Variants in SPARCL1 observed in about 807,000 individuals in gnomAD.
The protein encoded by SPARCL1 is SPARC-like protein 1.
A neutral mutation model predicts 67.1 loss-of-function variants in SPARCL1; 52 were observed. That is an observed-to-expected ratio of 0.78 (90% CI 0.62 to 0.98). SPARCL1 has a LOEUF of 0.98. Ranked by LOEUF, SPARCL1 falls within the 50% of genes least tolerant of loss-of-function variation. The pLI is 0.00. For synonymous variants in SPARCL1, 226 were observed against 267.8 expected (o/e 0.84, Z 1.52); for missense variants, 717 against 782.4 (o/e 0.92, Z 1.00).
rs140886120 is a variant in SPARCL1, at chr4:87,523,847, T to C, written c.-12+5198A>G. 1.7e-3 allele frequency among the ~76,000 whole-genome samples: 264 copies of C among 152,348 alleles called. 1 individual carries two copies. The highest frequency in any genetic ancestry group is 5.9e-3 in the African/African-American group (247 of 41,580). On this transcript the variant is annotated intron_variant, in intron 1 of 10. Coordinates refer to ENST00000282470, the MANE Select transcript of SPARCL1 (RefSeq NM_004684.6). ...TTTGGCCAAACACTTTGGTTGAGGATGTTCTCACTAGAAAGATGAAGATGG... is the reference window on the plus strand; with the variant it reads ...TTTGGCCAAACACTTTGGTTGAGGACGTTCTCACTAGAAAGATGAAGATGG...
chr4:87,513,687 T>C (rs894095600), intron 1 of SPARCL1, among the ~76,000 whole-genome samples: 1 of 152,170 alleles, frequency 6.6e-6, no homozygotes, highest in African/African-American at 2.4e-5. Flanking sequence ...ATGTCTTGTA[T>C]TAAGTGTGAT....
chr4:87,525,510 T>C (rs1259390015), intron 1 of SPARCL1, among the ~76,000 whole-genome samples: 4 of 152,104 alleles, frequency 2.6e-5, no homozygotes, highest in Admixed American at 1.3e-4. Context: ...ACTTGAAAAA[T>C]GGATTTATTG....
intron 1 of SPARCL1, among the ~76,000 whole-genome samples, chr4:87,516,227 C>T (rs1725577355): frequency 6.6e-6 from 1 of 152,174 alleles, no homozygotes; most frequent in Non-Finnish European, 1.5e-5. Flanking sequence ...CTGTGCCACT[C>T]CAGATCAGCT....
At chr4:87,499,159 A>G (rs897115599) in intron 2 of SPARCL1, among the ~76,000 whole-genome samples, 1 of 152,184 alleles carries the variant, frequency 6.6e-6, no homozygotes, top group Admixed American at 6.5e-5. Context: ...TACAGGCGTG[A>G]GCCACCGCAC....
At chr4:87,482,694 C>T in intron 7 of SPARCL1, 134 bp from the exon 8 acceptor site, 1 of 874,634 alleles carries the variant, frequency 1.1e-6, no homozygotes, top group Non-Finnish European at 1.8e-6. Context: ...GACAGTGGTC[C>T]TCAGCCCTGG....
At position 87,482,459 on chromosome 4, in the gene SPARCL1, G is replaced by C. The variant is rs777514255; in HGVS notation, c.1633C>G (p.His545Asp). ...LMQLYEANSE[H>D]AGYLNEKQRN... Reference sequence around the variant, plus strand: ...TGCTTCTCATTTAGATAACCAGCGTGTTCAGAGTTGGCTTCATAAAGCTGC... The same window carrying C: ...TGCTTCTCATTTAGATAACCAGCGTCTTCAGAGTTGGCTTCATAAAGCTGC... Residue 545 changes from histidine to aspartate, a missense_variant, in exon 8 of 11, where the codon CAC becomes GAC. Transcript: ENST00000282470. 2 of 1,613,836 alleles carry C rather than the reference G, an allele frequency of 1.2e-6. No individual in the cohort carries two copies. Among genetic ancestry groups the C allele is most frequent in the East Asian group, 4.5e-5 (2 of 44,902 alleles).
chr4:87,510,987 G>T (rs908932288), intron 1 of SPARCL1, among the ~76,000 whole-genome samples: 1 of 152,250 alleles, frequency 6.6e-6, no homozygotes, highest in Non-Finnish European at 1.5e-5. Flanking sequence ...GCTCGCTCAG[G>T]TTCCTGCAGT....
chr4:87,527,592 T>G (rs1382772938), intron 1 of SPARCL1, among the ~76,000 whole-genome samples: 1 of 152,178 alleles, frequency 6.6e-6, no homozygotes, highest in Admixed American at 6.5e-5. Context: ...TTAGTTGATA[T>G]GTGAATCTGT....
intron 1 of SPARCL1, among the ~76,000 whole-genome samples, chr4:87,522,963 T>C (rs1189676312): frequency 6.6e-6 from 1 of 152,070 alleles, no homozygotes; most frequent in Non-Finnish European, 1.5e-5. Context: ...AAAAAACAAT[T>C]AGAAATCATC....
chr4:87,500,301 T>G (rs1308030328), intron 1 of SPARCL1, among the ~76,000 whole-genome samples: 1 of 152,210 alleles, frequency 6.6e-6, no homozygotes, highest in Non-Finnish European at 1.5e-5. Flanking sequence ...TTTTGGTATT[T>G]GCCTTTCATT....
intron 2 of SPARCL1, 66 bp from the exon 3 acceptor site, chr4:87,495,193 A>G (rs1312327166): frequency 7.4e-7 from 1 of 1,348,490 alleles, no homozygotes; most frequent in African/African-American, 1.5e-5. Context: ...TTTGCTAGTT[A>G]CTCTTGTTGT....
Position 87,493,563 on chromosome 4 carries a change from C to T in SPARCL1, c.1218+19G>A, listed in dbSNP as rs572845300. 2.8e-5 allele frequency: 45 copies of T among 1,581,222 alleles called. No individual in the cohort carries two copies. Among genetic ancestry groups the T allele is most frequent in the Non-Finnish European group, 3.7e-5 (43 of 1,163,406 alleles). ...TAATGCTGGCTTTATTGGACAAGGA[C>T]CATTTAAAATAATTTTACCTCTTGG... is the stretch of plus-strand genomic sequence containing the variant. On this transcript the variant is annotated intron_variant, in intron 4 of 10. Transcript: ENST00000282470.
At chr4:87,486,561 TAG>T (rs1346552249) in intron 7 of SPARCL1, among the ~76,000 whole-genome samples, 1 of 152,202 alleles carries the variant, frequency 6.6e-6, no homozygotes, top group African/African-American at 2.4e-5. Context: ...GAGAGTTCTG[TAG>T]ATGTCTATTA....
At chr4:87,526,311 G>A (rs1726039978) in intron 1 of SPARCL1, among the ~76,000 whole-genome samples, 2 of 152,154 alleles carry the variant, frequency 1.3e-5, no homozygotes, top group African/African-American at 4.8e-5. Context: ...GGATAAAAAA[G>A]GCAATTCAAA....
At chr4:87,518,121 C>T (rs936348555) in intron 1 of SPARCL1, among the ~76,000 whole-genome samples, 2 of 152,100 alleles carry the variant, frequency 1.3e-5, no homozygotes, top group Admixed American at 6.5e-5. Context: ...ATGTAATAAA[C>T]CCTAATGGAT....
rs1723437827 is a variant in SPARCL1 at position 87,473,627 on chromosome 4, G to A, written c.*148C>T. ...TTAATGTTAAATACCTGGTGCATAG[G>A]TTGTTGTCAAGCAATTACTCTCATT... is the stretch of plus-strand genomic sequence containing the variant. On this transcript the variant is annotated 3_prime_UTR_variant, in exon 11 of 11. Coordinates refer to ENST00000282470, the MANE Select transcript of SPARCL1 (RefSeq NM_004684.6). 1.8e-6 allele frequency: 1 copy of A among 557,454 alleles called. No homozygotes were observed. 34.5% of individuals were successfully genotyped at this position (557,454 alleles called of 1,614,324 possible).
At chr4:87,490,452 C>G in intron 6 of SPARCL1, 59 bp from the exon 7 acceptor site, 2 of 1,557,634 alleles carry the variant, frequency 1.3e-6, no homozygotes, top group Non-Finnish European at 1.7e-6. Flanking sequence ...GGAAGACACT[C>G]TGCTCCTTAA....
At chr4:87,526,578 C>T (rs1726054167) in intron 1 of SPARCL1, among the ~76,000 whole-genome samples, 1 of 152,174 alleles carries the variant, frequency 6.6e-6, no homozygotes, top group Non-Finnish European at 1.5e-5. Context: ...GAAGTAACTG[C>T]CAAAGCTTAC....
At chr4:87,492,715 G>A (rs541538317) in intron 4 of SPARCL1, among the ~76,000 whole-genome samples, 32 of 152,246 alleles carry the variant, frequency 2.1e-4, no homozygotes, top group African/African-American at 7.2e-4. Flanking sequence ...CGTTAGAGTG[G>A]CAGCAGAGTT....
Sources: allele counts gnomAD v4.1 joint callset (sites outside exome capture counted in the v4.1 genomes callset), GRCh38; gene constraint gnomAD v4.1.1; transcripts MANE v1.5; gene names NCBI Gene and HGNC (gene_info 2026-07-23, HGNC 2026-07-21).